CHL1: variants seen among roughly 807,000 people sequenced by gnomAD.
The protein encoded by CHL1 is neural cell adhesion molecule L1-like protein.
CHL1 carries 96 observed loss-of-function variants against 141.9 expected under a neutral mutation model. The observed-to-expected ratio is 0.68, with a 90% confidence interval of 0.57 to 0.80. The LOEUF (loss-of-function observed/expected upper bound fraction) is 0.80, where lower values mean the gene tolerates loss of function less well. CHL1 is among the 30% of genes least tolerant of loss of function. The pLI is 0.00. For missense variants in CHL1, 1,820 were observed against 1,457.2 expected (o/e 1.25, Z -4.05); for synonymous variants, 613 against 502.2 (o/e 1.22, Z -2.95).
intron 11 of CHL1, among the ~76,000 whole-genome samples, chr3:359,528 C>T (rs1207241384): frequency 2.0e-5 from 3 of 152,040 alleles, no homozygotes; most frequent in Non-Finnish European, 4.4e-5. Flanking sequence ...GTCTTGAACT[C>T]CTGACTTCAA....
intron 3 of CHL1, among the ~76,000 whole-genome samples, chr3:323,631 C>A (rs575470345): frequency 6.6e-6 from 1 of 152,078 alleles, no homozygotes; most frequent in East Asian, 1.9e-4. Context: ...TATCTGTGTA[C>A]GGCTGGATTT....
intron 25 of CHL1, 128 bp from the exon 26 acceptor site, chr3:398,889 T>C: frequency 2.6e-6 from 2 of 781,636 alleles, no homozygotes; most frequent in Admixed American, 4.3e-5. Context: ...ATTGCATTCC[T>C]TCTGGGGTCA....
intron 2 of CHL1, among the ~76,000 whole-genome samples, chr3:257,674 A>C (rs1694306934): frequency 6.6e-6 from 1 of 152,164 alleles, no homozygotes; most frequent in South Asian, 2.1e-4. Flanking sequence ...AAGAGACAGC[A>C]AACCTCAAAA....
chr3:219,622 A>T (rs1700648113), intron 1 of CHL1, among the ~76,000 whole-genome samples: 1 of 152,216 alleles, frequency 6.6e-6, no homozygotes, highest in African/African-American at 2.4e-5. Context: ...GCATGTTCTC[A>T]CTTATAAGTG....
chr3:259,499 A>G (rs1234898122), intron 2 of CHL1, among the ~76,000 whole-genome samples: 1 of 152,182 alleles, frequency 6.6e-6, no homozygotes, highest in Non-Finnish European at 1.5e-5. Context: ...TTTTTAAAAA[A>G]GTATTTTTTC....
intron 1 of CHL1, among the ~76,000 whole-genome samples, chr3:211,129 C>G (rs573204798): frequency 2.6e-5 from 4 of 152,224 alleles, no homozygotes; most frequent in East Asian, 3.9e-4. Flanking sequence ...TGTCAGGAAA[C>G]AAGGAACTGA....
intron 15 of CHL1, among the ~76,000 whole-genome samples, chr3:367,715 G>T (rs1053564567): frequency 4.6e-5 from 7 of 152,054 alleles, no homozygotes; most frequent in African/African-American, 1.7e-4. Flanking sequence ...AGAACATGCA[G>T]ATTTGTTACA....
intron 2 of CHL1, among the ~76,000 whole-genome samples, chr3:246,048 A>G (rs1223102076): frequency 6.6e-6 from 1 of 152,150 alleles, no homozygotes; most frequent in African/African-American, 2.4e-5. Flanking sequence ...AAACCTGATT[A>G]ATCAATTCCT....
rs903661449 is a variant in CHL1, at chr3:409,226, T to C, written c.*3515T>C. On this transcript the variant is annotated 3_prime_UTR_variant, in exon 28 of 28. Transcript: ENST00000256509. Reference sequence around the variant, plus strand: ...ACGTCATCAAAAGAGATGAAAGGTATGTAGAACAGGTTCACGTGATTACCT... The same window carrying C: ...ACGTCATCAAAAGAGATGAAAGGTACGTAGAACAGGTTCACGTGATTACCT... 1 of 152,132 alleles carries C rather than the reference T, an allele frequency of 6.6e-6. No homozygotes were observed. Among genetic ancestry groups the C allele is most frequent in the South Asian group, 2.1e-4 (1 of 4,838 alleles). 9.4% of individuals were successfully genotyped at this position (152,132 alleles called of 1,614,324 possible).
chr3:249,281 C>A (rs1332922580), intron 2 of CHL1, among the ~76,000 whole-genome samples: 2 of 152,098 alleles, frequency 1.3e-5, no homozygotes, highest in Admixed American at 1.3e-4. Context: ...TGATCAAAGG[C>A]TAATTTAGTC....
At position 389,364 on chromosome 3, in the gene CHL1, G is replaced by C; in HGVS notation, c.2360G>C (p.Arg787Pro). ...EEETVTNHTL[R>P]VMTPAVYAPY... is the part of the protein sequence containing the mutation. Reference sequence around the variant, plus strand: ...GAAACAGTCACAAACCACACATTGCGGGTGATGACGCCTGCTGTCTATGCC... The same window carrying C: ...GAAACAGTCACAAACCACACATTGCCGGTGATGACGCCTGCTGTCTATGCC... Residue 787 changes from arginine to proline, a missense_variant, in exon 20 of 28, where the codon CGG becomes CCG. Transcript: ENST00000256509. 6.2e-7 allele frequency: 1 copy of C among 1,614,138 alleles called. No individual in the cohort carries two copies. The highest frequency in any genetic ancestry group is 1.1e-5 in the South Asian group (1 of 91,074).
chr3:252,698 A>T (rs1049094549), intron 2 of CHL1, among the ~76,000 whole-genome samples: 1 of 152,004 alleles, frequency 6.6e-6, no homozygotes, highest in African/African-American at 2.4e-5. Context: ...ATCAAATGAA[A>T]GAGTGCTGAC....
chr3:319,583 T>A (rs1484105656), intron 2 of CHL1, 100 bp from the exon 3 acceptor site: 1 of 494,714 alleles, frequency 2.0e-6, no homozygotes. Flanking sequence ...GGAAACATAC[T>A]GCCAAACCAA....
chr3:285,651 T>C (rs1054164441), intron 2 of CHL1, among the ~76,000 whole-genome samples: 1 of 152,184 alleles, frequency 6.6e-6, no homozygotes, highest in African/African-American at 2.4e-5. Context: ...AAAATTGAGA[T>C]CATAATTCTT....
intron 15 of CHL1, among the ~76,000 whole-genome samples, chr3:370,761 C>T (rs974316392): frequency 6.6e-6 from 1 of 152,180 alleles, no homozygotes; most frequent in African/African-American, 2.4e-5. Flanking sequence ...AAATTTCCCT[C>T]TTAACACTGC....
chr3:225,209 C>A (rs1375307284), intron 1 of CHL1, among the ~76,000 whole-genome samples: 1 of 152,158 alleles, frequency 6.6e-6, no homozygotes, highest in Non-Finnish European at 1.5e-5. Flanking sequence ...ATTCATTCAA[C>A]ATATAATTAT....
intron 3 of CHL1, among the ~76,000 whole-genome samples, chr3:322,491 GT>G (rs56223307): frequency 0.071 from 10,734 of 150,942 alleles, 460 homozygotes; most frequent in Middle Eastern, 0.15. Flanking sequence ...TTTTCACTGC[GT>G]TGTCATTTGC....
At chr3:258,074 C>G (rs114277399) in intron 2 of CHL1, among the ~76,000 whole-genome samples, 13 of 152,248 alleles carry the variant, frequency 8.5e-5, no homozygotes, top group African/African-American at 2.4e-4. Flanking sequence ...AGGACAGTCT[C>G]CAAAGGAGGG....
Position 211,956 on chromosome 3 carries a change from C to T in CHL1, c.-175+14893C>T, listed in dbSNP as rs1309223016. On this transcript the variant is annotated intron_variant, in intron 1 of 27. Coordinates refer to ENST00000256509, the MANE Select transcript of CHL1 (RefSeq NM_006614.4). ...AACGTGTGGGAGTGGAACTGGAACT[C>T]GGATGTCTGATTTTGTCTTAAGTTA... Among the ~76,000 whole-genome samples, 5 of 152,086 alleles carry T rather than the reference C, an allele frequency of 3.3e-5. No homozygotes were observed. The South Asian group carries it at 8.3e-4, about 25-fold the overall frequency.
Sources: allele counts gnomAD v4.1 joint callset (sites outside exome capture counted in the v4.1 genomes callset), GRCh38; gene constraint gnomAD v4.1.1; transcripts MANE v1.5; gene names NCBI Gene and HGNC (gene_info 2026-07-23, HGNC 2026-07-21).